Variants in CANT1 observed in about 807,000 individuals in gnomAD.
CANT1 encodes soluble calcium-activated nucleotidase 1.
Under a neutral mutation model 30.0 loss-of-function variants are expected in CANT1, and 26 were observed. That is an observed-to-expected ratio of 0.87 (90% confidence interval 0.64 to 1.20). The LOEUF (loss-of-function observed/expected upper bound fraction) is 1.20. Ranked by LOEUF, CANT1 falls within the 50% of genes most tolerant of loss-of-function variation. CANT1 has a pLI of 0.00. For missense variants in CANT1, 518 were observed against 563.0 expected (o/e 0.92, Z 0.81); for synonymous variants, 246 against 251.8 (o/e 0.98, Z 0.22).
chr17:78,996,875 C>A lies in CANT1; in HGVS notation c.631+117G>T. ...AGAGCAAGAGGGAGACGTGCTCCCT[C>A]ACCACATCCCTGGCTTCTAGGTGTG... On this transcript the variant is annotated intron_variant, in intron 3 of 4. Transcript: ENST00000392446. This position sits in a 1 kb window ranked among gnomAD's most constrained non-coding sequence, Gnocchi z 5.1. The A allele has an allele frequency of 7.0e-7, 1 of 1,422,706 alleles. No individual in the cohort carries two copies. The highest frequency in any genetic ancestry group is 2.3e-5 in the East Asian group (1 of 44,114). 88.1% of individuals were successfully genotyped at this position (1,422,706 alleles called of 1,614,324 possible). A position where few individuals can be genotyped will look rare whatever the true frequency, so the allele number is the denominator to read the frequency against.
chr17:79,006,999 C>A (rs1322203884), intron 1 of CANT1, among the ~76,000 whole-genome samples: 1 of 152,350 alleles, frequency 6.6e-6, no homozygotes, highest in East Asian at 1.9e-4. Context: ...GGTGGCATCA[C>A]GCACTGTCTT....
At position 78,997,437 on chromosome 17, in the gene CANT1, G is replaced by C. The variant is rs768662687; in HGVS notation, c.186C>G (p.His62Gln). Reference sequence around the variant, plus strand: ...TGGGGGGCCTGCCGGGGGCCGGGCGGTGGGAGCAGAGCAGCCAGAGGATGG... The same window carrying C: ...TGGGGGGCCTGCCGGGGGCCGGGCGCTGGGAGCAGAGCAGCCAGAGGATGG... ...GAAILWLLCSHRPAPGRPPTH... is the reference protein window; with the variant it reads ...GAAILWLLCSQRPAPGRPPTH... The change falls in exon 3 of 5, where the codon CAC (histidine) becomes CAG (glutamine). Residue 62 changes from histidine to glutamine, a missense_variant. By Grantham distance (24) the His-to-Gln change is conservative. This residue lies in a region of CANT1 where 249 missense variants were observed against 268.8 expected (regional missense o/e 0.93). Coordinates refer to ENST00000392446, the MANE Select transcript of CANT1 (RefSeq NM_001159773.2). This position sits in a 1 kb window ranked among gnomAD's most constrained non-coding sequence, Gnocchi z 7.5. 23 of 1,606,444 alleles carry C rather than the reference G, an allele frequency of 1.4e-5. No homozygotes were observed. The South Asian group carries it at 2.5e-4, about 18-fold the overall frequency.
Position 78,993,888 on chromosome 17 carries a change from C to T in CANT1, c.868G>A (p.Asp290Asn), listed in dbSNP as rs2070928985. The T allele has an allele frequency of 6.3e-7, 1 of 1,592,566 alleles. No homozygotes were observed. Among genetic ancestry groups the T allele is most frequent in the Non-Finnish European group, 8.5e-7 (1 of 1,175,238 alleles). Residue 290 changes from aspartate (D) to asparagine (N), a missense_variant, in exon 5 of 5, where the codon GAC becomes AAC. Asp to Asn is a conservative substitution (Grantham distance 23). Around this residue, in one of 3 missense-constraint regions of CANT1, gnomAD observed 221 missense variants for 211.8 expected, o/e 1.04. Coordinates refer to ENST00000392446, the MANE Select transcript of CANT1 (RefSeq NM_001159773.2). The surrounding 1 kb of genome is among the most constrained non-coding windows in gnomAD (Gnocchi z 4.5). The part of the protein sequence containing the change: ...YLIHESACWS[D>N]TLQRWFFLPR... ...AGGAAGAACCAGCGCTGCAGCGTGT[C>T]ACTCCAGCAGGCAGACTCATGGATG...
At chr17:78,999,211 G>T (rs1038860416) in intron 1 of CANT1, among the ~76,000 whole-genome samples, 1 of 152,144 alleles carries the variant, frequency 6.6e-6, no homozygotes, top group Admixed American at 6.5e-5. Context: ...AACAGCACAG[G>T]GGGGCTGCCA....
rs2145849208 is a variant in CANT1, at chr17:79,002,977, A to G, written c.-146-5014T>C. On this transcript the variant is annotated intron_variant, in intron 1 of 4. Transcript: ENST00000392446. This position sits in a 1 kb window ranked among gnomAD's most constrained non-coding sequence, Gnocchi z 4.0. Reference sequence around the variant, plus strand: ...GGCTCATGTCCTCTGACCACATGGAACCAGAGGTGTCTGAGTCCCGGCGTC... The same window carrying G: ...GGCTCATGTCCTCTGACCACATGGAGCCAGAGGTGTCTGAGTCCCGGCGTC... Among the ~76,000 whole-genome samples the G allele has an allele frequency of 6.6e-6, 1 of 152,314 alleles. No individual in the cohort carries two copies.
Position 79,009,733 on chromosome 17 carries a change from C to A in CANT1, c.-216G>T, listed in dbSNP as rs1057135787. 6.6e-6 allele frequency: 1 copy of A among 151,602 alleles called. No individual in the cohort carries two copies. The highest frequency in any genetic ancestry group is 1.5e-5 in the Non-Finnish European group (1 of 67,844). 9.4% of individuals were successfully genotyped at this position (151,602 alleles called of 1,614,324 possible). On this transcript the variant is annotated 5_prime_UTR_variant, in exon 1 of 5. Coordinates refer to ENST00000392446, the MANE Select transcript of CANT1 (RefSeq NM_001159773.2). ...CTGGGCTTGGCTGGGCTTGGCTGGG[C>A]TAACGGCCGGGACGGAGGAAGGTGG... is the stretch of plus-strand genomic sequence containing the variant.
chr17:79,007,553 G>A (rs754273169), intron 1 of CANT1, among the ~76,000 whole-genome samples: 19 of 152,134 alleles, frequency 1.2e-4, no homozygotes, highest in South Asian at 1.2e-3. Context: ...CCGAGACTCC[G>A]AGGACGGGCC....
At position 79,002,839 on chromosome 17, in the gene CANT1, T is replaced by C. The variant is rs1343068353; in HGVS notation, c.-146-4876A>G. Among the ~76,000 whole-genome samples the C allele has an allele frequency of 1.3e-5, 2 of 152,228 alleles. No individual in the cohort carries two copies. Among genetic ancestry groups the C allele is most frequent in the Admixed American group, 6.5e-5 (1 of 15,284 alleles). ...CTGCAGAGAAAGCCTCAGTGGGTTTTTCCCCCTGCACTCCCAGGAGCAGGA... is the reference window on the plus strand; with the variant it reads ...CTGCAGAGAAAGCCTCAGTGGGTTTCTCCCCCTGCACTCCCAGGAGCAGGA... On this transcript the variant is annotated intron_variant, in intron 1 of 4. Coordinates refer to ENST00000392446, the MANE Select transcript of CANT1 (RefSeq NM_001159773.2). This position sits in a 1 kb window ranked among gnomAD's most constrained non-coding sequence, Gnocchi z 4.0.
Position 78,998,540 on chromosome 17 carries a change from C to T in CANT1, c.-146-577G>A, listed in dbSNP as rs910664093. ...CTCCCAGCTCACCCTCCACCCCAGG[C>T]GTGGCTCTGTGGCAGAGCCCCAGGG... On this transcript the variant is annotated intron_variant, in intron 1 of 4. Transcript: ENST00000392446. This position sits in a 1 kb window ranked among gnomAD's most constrained non-coding sequence, Gnocchi z 4.5. 6.6e-6 allele frequency among the ~76,000 whole-genome samples: 1 copy of T among 152,362 alleles called. No individual in the cohort carries two copies. The highest frequency in any genetic ancestry group is 6.5e-5 in the Admixed American group (1 of 15,308).
At position 78,998,053 on chromosome 17, in the gene CANT1, T is replaced by A; in HGVS notation, c.-146-90A>T. 1 of 211,536 alleles carries A rather than the reference T, an allele frequency of 4.7e-6. No homozygotes were observed. The highest frequency in any genetic ancestry group is 9.5e-6 in the Non-Finnish European group (1 of 104,978). 13.1% of individuals were successfully genotyped at this position (211,536 alleles called of 1,614,324 possible). ...ATCATAGACAGGGTACAGGTCTGTATTTTACTCAAATGCCACCTCATCCAG... is the reference window on the plus strand; with the variant it reads ...ATCATAGACAGGGTACAGGTCTGTAATTTACTCAAATGCCACCTCATCCAG... On this transcript the variant is annotated intron_variant, in intron 1 of 4. Transcript: ENST00000392446. The surrounding 1 kb of genome is among the most constrained non-coding windows in gnomAD (Gnocchi z 4.5).
At chr17:79,007,585 C>T (rs755187876) in intron 1 of CANT1, among the ~76,000 whole-genome samples, 1 of 152,138 alleles carries the variant, frequency 6.6e-6, no homozygotes, top group Admixed American at 6.5e-5. Flanking sequence ...GGGGAGCCTG[C>T]ACAGGCACAC....
Position 78,997,779 on chromosome 17 carries a change from C to T in CANT1, c.-23+61G>A. The stretch of plus-strand genomic sequence containing the variant: ...TTTCACTACTCTGTGGCCATTCTTA[C>T]TCCCTTGGCTTAATGAATTCCCGAC... On this transcript the variant is annotated intron_variant, in intron 2 of 4. Coordinates refer to ENST00000392446, the MANE Select transcript of CANT1 (RefSeq NM_001159773.2). This position sits in a 1 kb window ranked among gnomAD's most constrained non-coding sequence, Gnocchi z 7.5. The T allele has an allele frequency of 1.5e-6, 1 of 676,420 alleles. No homozygotes were observed. The highest frequency in any genetic ancestry group is 2.3e-6 in the Non-Finnish European group (1 of 434,982). 41.9% of individuals were successfully genotyped at this position (676,420 alleles called of 1,614,324 possible). A position where few individuals can be genotyped will look rare whatever the true frequency, so the allele number is the denominator to read the frequency against.
chr17:78,997,116 G>A lies in CANT1; in HGVS notation c.507C>T (p.Asp169=). The A allele has an allele frequency of 6.2e-7, 1 of 1,614,162 alleles. No homozygotes were observed. The highest frequency in any genetic ancestry group is 1.3e-5 in the African/African-American group (1 of 75,036). The part of the protein sequence containing the change: ...AEKGRGMELS[D]LIVFNGKLYS... ...AGAGTTTCCCATTGAAAACAATCAG[G>A]TCGGATAGCTCCATGCCTCTCCCCT... is the stretch of plus-strand genomic sequence containing the variant. The change falls in exon 3 of 5, where the codon GAC becomes GAT. Residue 169 remains aspartate, a synonymous_variant. Coordinates refer to ENST00000392446, the MANE Select transcript of CANT1 (RefSeq NM_001159773.2). The surrounding 1 kb of genome is among the most constrained non-coding windows in gnomAD (Gnocchi z 7.5).
intron 1 of CANT1, among the ~76,000 whole-genome samples, chr17:79,001,383 G>A (rs908226143): frequency 5.9e-5 from 9 of 152,068 alleles, no homozygotes; most frequent in Non-Finnish European, 8.8e-5. Flanking sequence ...CCCAGCCGCC[G>A]GGCACCTGCT....
rs975682015 is a variant in CANT1 at position 78,996,200 on chromosome 17, G to A, written c.631+792C>T. ...CACCGGGTGTGGGGAGGGCCTGGCC[G>A]GCCATGAACTGTGTGGGCCGTTGTT... On this transcript the variant is annotated intron_variant, in intron 3 of 4. Coordinates refer to ENST00000392446, the MANE Select transcript of CANT1 (RefSeq NM_001159773.2). This position sits in a 1 kb window ranked among gnomAD's most constrained non-coding sequence, Gnocchi z 5.1. Among the ~76,000 whole-genome samples the A allele has an allele frequency of 6.6e-6, 1 of 152,182 alleles. No homozygotes were observed. The highest frequency in any genetic ancestry group is 1.5e-5 in the Non-Finnish European group (1 of 68,014).
rs2071135748 is a variant in CANT1 at position 78,998,822 on chromosome 17, G to A, written c.-146-859C>T. ...ATCTCTGCCCTCCAACTATAGCTCAGTGAATCCCGGCCTGAGAAGCTTCCC... is the reference window on the plus strand; with the variant it reads ...ATCTCTGCCCTCCAACTATAGCTCAATGAATCCCGGCCTGAGAAGCTTCCC... On this transcript the variant is annotated intron_variant, in intron 1 of 4. Coordinates refer to ENST00000392446, the MANE Select transcript of CANT1 (RefSeq NM_001159773.2). This position sits in a 1 kb window ranked among gnomAD's most constrained non-coding sequence, Gnocchi z 4.5. 6.6e-6 allele frequency among the ~76,000 whole-genome samples: 1 copy of A among 152,242 alleles called. No individual in the cohort carries two copies. The highest frequency in any genetic ancestry group is 2.1e-4 in the South Asian group (1 of 4,836).
chr17:79,009,074 GC>G (rs2071650113), intron 1 of CANT1, among the ~76,000 whole-genome samples: 1 of 151,966 alleles, frequency 6.6e-6, no homozygotes, highest in South Asian at 2.1e-4. Context: ...CAGGAGGGGT[GC>G]CCCACACTAG....
At chr17:79,009,410 G>T (rs1407906299) in intron 1 of CANT1, among the ~76,000 whole-genome samples, 2 of 152,206 alleles carry the variant, frequency 1.3e-5, no homozygotes, top group Non-Finnish European at 2.9e-5. Flanking sequence ...CAGGGATGAG[G>T]TGTCCCAAAA....
chr17:78,993,191 C>T lies in CANT1; in HGVS notation c.*359G>A. On this transcript the variant is annotated 3_prime_UTR_variant, in exon 5 of 5. Coordinates refer to ENST00000392446, the MANE Select transcript of CANT1 (RefSeq NM_001159773.2). The surrounding 1 kb of genome is among the most constrained non-coding windows in gnomAD (Gnocchi z 4.5). ...TGCTCACTGCGTTCTCAGGGTGAGGCATAGGGCCTGACATATGGTAGGAGC... is the reference window on the plus strand; with the variant it reads ...TGCTCACTGCGTTCTCAGGGTGAGGTATAGGGCCTGACATATGGTAGGAGC... The T allele has an allele frequency of 2.5e-6, 1 of 406,662 alleles. No homozygotes were observed. The allele number at this position is 406,662 out of a possible 1,614,324, so 25.2% of individuals were successfully genotyped here.
Sources: gnomAD v4.1 joint callset for allele counts (sites outside exome capture counted in the v4.1 genomes callset) on GRCh38, gnomAD v4.1.1 for gene constraint, gnomAD v4.1.1 regional missense constraint, Gnocchi (gnomAD v3.1) non-coding constraint, MANE v1.5 for transcripts, NCBI Gene and HGNC (gene_info 2026-07-23, HGNC 2026-07-21) for gene names.